Variants in PRKN observed in about 807,000 individuals in gnomAD.
PRKN encodes parkin RBR E3 ubiquitin protein ligase.
PRKN carries 56 observed loss-of-function variants against 59.5 expected under a neutral mutation model. The ratio of observed to expected loss-of-function variants is 0.94; its 90% CI spans 0.76 to 1.18. The LOEUF (loss-of-function observed/expected upper bound fraction) is 1.18, where lower values mean the gene tolerates loss of function less well. PRKN is among the 50% of genes most tolerant of loss of function. The probability of loss-of-function intolerance (pLI) is 0.00; values close to 1 mark genes in which losing one functional copy is unlikely to be tolerated. For synonymous variants in PRKN, 250 were observed against 222.1 expected (o/e 1.13, Z -1.12); for missense variants, 657 against 596.4 (o/e 1.10, Z -1.06).
Position 161,490,941 on chromosome 6 carries a change from C to T in PRKN, c.1083+57913G>A, listed in dbSNP as rs973695735. Among the ~76,000 whole-genome samples, 4 of 152,086 alleles carry T rather than the reference C, an allele frequency of 2.6e-5. No homozygotes were observed. The East Asian group carries it at 7.7e-4, about 29-fold the overall frequency. On this transcript the variant is annotated intron_variant, in intron 9 of 11. Transcript: ENST00000366898. ...CTCCCGCCATATGAGATGCCTGCTC[C>T]CCTTTTGCCTTCTGCTGTGATTGAA...
At chr6:162,131,395 C>T (rs1781349182) in intron 4 of PRKN, among the ~76,000 whole-genome samples, 3 of 152,262 alleles carry the variant, frequency 2.0e-5, no homozygotes, top group Admixed American at 2.0e-4. Context: ...GTTTTCATAG[C>T]ACACATTTCC....
chr6:162,119,437 T>C (rs981892119), intron 4 of PRKN, among the ~76,000 whole-genome samples: 5 of 152,180 alleles, frequency 3.3e-5, no homozygotes, highest in Admixed American at 3.3e-4. Flanking sequence ...TAGACACAAC[T>C]GTGCCAACTA....
At chr6:162,620,818 T>C (rs992844649) in intron 1 of PRKN, among the ~76,000 whole-genome samples, 7 of 152,186 alleles carry the variant, frequency 4.6e-5, no homozygotes, top group African/African-American at 1.7e-4. Context: ...CCTTCCAAAG[T>C]GTTGGGATGA....
At chr6:162,099,100 T>C (rs868642605) in intron 4 of PRKN, among the ~76,000 whole-genome samples, 1 of 152,206 alleles carries the variant, frequency 6.6e-6, no homozygotes, top group African/African-American at 2.4e-5. Flanking sequence ...AGAAAATTAA[T>C]TGAGGCCAGC....
In PRKN at chr6:161,462,197, A is replaced by G. The variant is rs1326876601; in HGVS notation, c.1084-75320T>C. On this transcript the variant is annotated intron_variant, in intron 9 of 11. Coordinates refer to ENST00000366898, the MANE Select transcript of PRKN (RefSeq NM_004562.3). This position sits in a 1 kb window ranked among gnomAD's most constrained non-coding sequence, Gnocchi z 4.5. ...CAATATTAGCCTCTACTGTCTTCCA[A>G]TATGACCAAAGTCTAGTCCATCTAG... Among the ~76,000 whole-genome samples, 1 of 152,204 alleles carries G rather than the reference A, an allele frequency of 6.6e-6. No homozygotes were observed. Among genetic ancestry groups the G allele is most frequent in the Admixed American group, 6.5e-5 (1 of 15,278 alleles).
rs118061397 is a variant in PRKN, at chr6:161,454,621, C to A, written c.1084-67744G>T. 6.6e-6 allele frequency among the ~76,000 whole-genome samples: 1 copy of A among 152,148 alleles called. No individual in the cohort carries two copies. The highest frequency in any genetic ancestry group is 1.5e-5 in the Non-Finnish European group (1 of 68,036). The stretch of plus-strand genomic sequence containing the variant: ...CAAGCCCAAGTTTATTTTGGGGGAA[C>A]TTTGCGCCAGCATTGTAGTTATACT... On this transcript the variant is annotated intron_variant, in intron 9 of 11. Coordinates refer to ENST00000366898, the MANE Select transcript of PRKN (RefSeq NM_004562.3). This position sits in a 1 kb window ranked among gnomAD's most constrained non-coding sequence, Gnocchi z 4.6.
At chr6:162,531,888 C>T (rs538051195) in intron 1 of PRKN, among the ~76,000 whole-genome samples, 133 of 147,482 alleles carry the variant, frequency 9.0e-4, no homozygotes, top group African/African-American at 3.3e-3. Context: ...TGCAGTGAGC[C>T]GAGATTGTGC....
chr6:161,568,836 G>A (rs1048906526), intron 8 of PRKN, among the ~76,000 whole-genome samples: 3 of 151,896 alleles, frequency 2.0e-5, no homozygotes, highest in South Asian at 2.1e-4. Flanking sequence ...ATTATGACAC[G>A]CCTCACTGAG....
rs191595678 is a variant in PRKN, at chr6:161,378,511, C to A, written c.1167+8283G>T. Among the ~76,000 whole-genome samples, 19 of 152,350 alleles carry A rather than the reference C, an allele frequency of 1.2e-4. No homozygotes were observed. The East Asian group carries it at 3.7e-3, about 29-fold the overall frequency. On this transcript the variant is annotated intron_variant, in intron 10 of 11. Coordinates refer to ENST00000366898, the MANE Select transcript of PRKN (RefSeq NM_004562.3). The surrounding 1 kb of genome is among the most constrained non-coding windows in gnomAD (Gnocchi z 7.3). ...AGTGACACCAGGGAAGATGAAGACA[C>A]TCCATCTTGACAGGAAGTGACTCCT...
chr6:162,583,740 T>C (rs1460241401), intron 1 of PRKN, among the ~76,000 whole-genome samples: 2 of 152,134 alleles, frequency 1.3e-5, no homozygotes, highest in South Asian at 2.1e-4. Context: ...ACTTCCACCA[T>C]TCAAATGAAA....
At chr6:161,380,122 C>G (rs9347502) in intron 10 of PRKN, among the ~76,000 whole-genome samples, 3 of 151,930 alleles carry the variant, frequency 2.0e-5, no homozygotes, top group Admixed American at 1.3e-4. Context: ...CCTCCCTGAA[C>G]GTGTCATTCA....
intron 4 of PRKN, among the ~76,000 whole-genome samples, chr6:162,120,884 A>G (rs1285388200): frequency 6.6e-6 from 1 of 152,246 alleles, no homozygotes; most frequent in Non-Finnish European, 1.5e-5. Flanking sequence ...TGTTTGGCCC[A>G]TGCACAAAGC....
intron 1 of PRKN, among the ~76,000 whole-genome samples, chr6:162,605,122 T>TATATATATATATATATATA (rs1215377603): frequency 1.3e-5 from 2 of 152,226 alleles, no homozygotes; most frequent in Non-Finnish European, 2.9e-5. Flanking sequence ...AATCCTTTAC[T>TATATATATATATATATATA]TCTAGCTTAA....
intron 1 of PRKN, among the ~76,000 whole-genome samples, chr6:162,511,374 GTTTGT>G: frequency 6.6e-6 from 1 of 152,026 alleles, no homozygotes; most frequent in South Asian, 2.1e-4. Context: ...TTAAAGTGCA[GTTTGT>G]TTTACCTGCT....
chr6:162,262,280 C>G (rs1779919735), intron 3 of PRKN, among the ~76,000 whole-genome samples: 2 of 152,110 alleles, frequency 1.3e-5, no homozygotes, highest in Non-Finnish European at 2.9e-5. Flanking sequence ...TTCTACATCA[C>G]TAGAAACATA....
chr6:161,646,967 C>A (rs914763047), intron 7 of PRKN, among the ~76,000 whole-genome samples: 1 of 152,194 alleles, frequency 6.6e-6, no homozygotes, highest in Non-Finnish European at 1.5e-5. Flanking sequence ...TGATAAAACA[C>A]TTAATTTCCT....
chr6:162,379,633 C>G (rs11759064), intron 2 of PRKN, among the ~76,000 whole-genome samples: 1 of 151,898 alleles, frequency 6.6e-6, no homozygotes, highest in Non-Finnish European at 1.5e-5. Flanking sequence ...CGCATGGACC[C>G]GCCTCTGGCT....
At chr6:162,594,167 A>C (rs1278122292) in intron 1 of PRKN, among the ~76,000 whole-genome samples, 4 of 151,974 alleles carry the variant, frequency 2.6e-5, no homozygotes, top group East Asian at 3.9e-4. Flanking sequence ...CAAAAAAAAA[A>C]CTACCCCTTT....
At chr6:161,570,696 C>G (rs1210289648) in intron 7 of PRKN, among the ~76,000 whole-genome samples, 1 of 151,922 alleles carries the variant, frequency 6.6e-6, no homozygotes, top group Non-Finnish European at 1.5e-5. Context: ...TGTTCATAGA[C>G]TATTGATGTT....
Sources: allele counts gnomAD v4.1 joint callset (sites outside exome capture counted in the v4.1 genomes callset), GRCh38; gene constraint gnomAD v4.1.1; non-coding constraint Gnocchi (gnomAD v3.1); transcripts MANE v1.5; gene names NCBI Gene and HGNC (gene_info 2026-07-23, HGNC 2026-07-21).